The following DUSP10 variants were observed in gnomAD, a reference collection of about 807,000 sequenced individuals.
DUSP10 encodes the protein dual specificity protein phosphatase 10.
Under a neutral mutation model 30.8 loss-of-function variants are expected in DUSP10, and 14 were observed. The observed-to-expected ratio is 0.46, with a 90% CI of 0.30 to 0.71. DUSP10 has a LOEUF of 0.71. Among genes scored for constraint, DUSP10 ranks in the 30% least tolerant of loss-of-function variants. The pLI, the probability that DUSP10 is intolerant of heterozygous loss-of-function variation, is 0.08. For missense variants in DUSP10, 550 were observed against 619.4 expected (o/e 0.89, Z 1.19); for synonymous variants, 254 against 250.4 (o/e 1.01, Z -0.14).
rs1316168886 is a variant in DUSP10 at position 221,706,102 on chromosome 1, C to A, written c.1176G>T (p.Glu392Asp). The change falls in exon 3 of 4, where the codon GAG becomes GAT. Residue 392 changes from glutamate to aspartate, a missense_variant. By Grantham distance (45) the Glu-to-Asp change is conservative. Transcript: ENST00000366899. This position sits in a 1 kb window ranked among gnomAD's most constrained non-coding sequence, Gnocchi z 4.6. ...CCTATGGGAGATAGTTACCAATGAACTCAAAAGCCTCTTCAAAGTACTGCC... is the reference window on the plus strand; with the variant it reads ...CCTATGGGAGATAGTTACCAATGAAATCAAAAGCCTCTTCAAAGTACTGCC... Reference protein sequence around the residue: ...NLRQYFEEAFEFIEEAHQCGK... With the variant: ...NLRQYFEEAFDFIEEAHQCGK... 6.2e-7 allele frequency: 1 copy of A among 1,612,220 alleles called. No individual in the cohort carries two copies. The highest frequency in any genetic ancestry group is 8.5e-7 in the Non-Finnish European group (1 of 1,178,922).
At chr1:221,730,369 CG>C (rs1337191747) in intron 2 of DUSP10, among the ~76,000 whole-genome samples, 4 of 152,128 alleles carry the variant, frequency 2.6e-5, no homozygotes, top group African/African-American at 9.7e-5. Flanking sequence ...CCCCCTGGCT[CG>C]GGCAGTTTAA....
At chr1:221,710,166 G>A (rs953977726) in intron 2 of DUSP10, among the ~76,000 whole-genome samples, 1 of 152,150 alleles carries the variant, frequency 6.6e-6, no homozygotes, top group African/African-American at 2.4e-5. Flanking sequence ...CCAGGTATTC[G>A]ATAAATAATG....
chr1:221,706,408 G>T lies in DUSP10; in HGVS notation c.870C>A (p.Leu290=), dbSNP rs769649196. ...HENLCDNSLQ[L]QECREVGGGA... is the part of the protein sequence containing the mutation. ...CGCCCCCCACCTCCCGGCACTCTTG[G>T]AGCTGGAGGGAGTTGTCACAGAGGT... is the stretch of plus-strand genomic sequence containing the variant. Residue 290 remains leucine (L), a synonymous_variant, in exon 3 of 4, where the codon CTC becomes CTA. Transcript: ENST00000366899. The surrounding 1 kb of genome is among the most constrained non-coding windows in gnomAD (Gnocchi z 4.6). The T allele has an allele frequency of 6.4e-7, 1 of 1,554,028 alleles. No individual in the cohort carries two copies. Among genetic ancestry groups the T allele is most frequent in the Non-Finnish European group, 8.7e-7 (1 of 1,149,914 alleles).
At chr1:221,738,322 C>T (rs985884675) in intron 2 of DUSP10, among the ~76,000 whole-genome samples, 2 of 152,168 alleles carry the variant, frequency 1.3e-5, no homozygotes, top group South Asian at 2.1e-4. Context: ...GTCTCTGTTC[C>T]CTTGGAGCCT....
intron 2 of DUSP10, among the ~76,000 whole-genome samples, chr1:221,707,262 C>T (rs2102615440): frequency 6.6e-6 from 1 of 152,292 alleles, no homozygotes; most frequent in Admixed American, 6.5e-5. Context: ...TTGGAAAAGA[C>T]AAGCCAGGGT....
intron 2 of DUSP10, among the ~76,000 whole-genome samples, chr1:221,717,210 G>T (rs1021411776): frequency 6.6e-5 from 10 of 152,146 alleles, no homozygotes; most frequent in Non-Finnish European, 1.5e-4. Context: ...ACCACACTGG[G>T]AAAGGCAGGG....
chr1:221,738,860 T>C (rs1304855805), intron 2 of DUSP10, 74 bp downstream of exon 2: 1 of 1,512,544 alleles, frequency 6.6e-7, no homozygotes, highest in Admixed American at 2.2e-5. Context: ...AGGAGAATGC[T>C]GTCACTCTAC....
At chr1:221,732,717 A>G (rs1011708948) in intron 2 of DUSP10, among the ~76,000 whole-genome samples, 7 of 152,216 alleles carry the variant, frequency 4.6e-5, no homozygotes, top group South Asian at 2.1e-4. Context: ...ATACCGGACT[A>G]GATCAATGGT....
chr1:221,741,653 G>A lies in DUSP10; in HGVS notation c.-44+328C>T, dbSNP rs183870215. ...CCCCCCGCCCCCCGCTTCACTCCTC[G>A]GCACACAGCGCACTAATGAGCCCCG... is the stretch of plus-strand genomic sequence containing the variant. On this transcript the variant is annotated intron_variant, in intron 1 of 3. Transcript: ENST00000366899. Among the ~76,000 whole-genome samples, 8 of 146,044 alleles carry A rather than the reference G, an allele frequency of 5.5e-5. No homozygotes were observed. In the East Asian group the frequency reaches 1.0e-3, roughly 18 times the overall value.
chr1:221,733,200 G>A (rs1246826115), intron 2 of DUSP10, among the ~76,000 whole-genome samples: 3 of 152,226 alleles, frequency 2.0e-5, no homozygotes, highest in Non-Finnish European at 4.4e-5. Flanking sequence ...TGCACCAGGA[G>A]TATGTGACGG....
Position 221,702,778 on chromosome 1 carries a change from G to C in DUSP10, c.1184-101C>G. 1 of 1,236,990 alleles carries C rather than the reference G, an allele frequency of 8.1e-7. No homozygotes were observed. Among genetic ancestry groups the C allele is most frequent in the East Asian group, 2.5e-5 (1 of 39,812 alleles). 76.6% of individuals were successfully genotyped at this position (1,236,990 alleles called of 1,614,324 possible). A position where few individuals can be genotyped will look rare whatever the true frequency, so the allele number is the denominator to read the frequency against. On this transcript the variant is annotated intron_variant, in intron 3 of 3. Coordinates refer to ENST00000366899, the MANE Select transcript of DUSP10 (RefSeq NM_007207.6). The surrounding 1 kb of genome is among the most constrained non-coding windows in gnomAD (Gnocchi z 4.5). ...ACTTTGCAATGCCTTATTTTGTATA[G>C]AAATAATGAATTAAAACAGTTTTAA...
At chr1:221,726,861 C>T (rs1412824940) in intron 2 of DUSP10, among the ~76,000 whole-genome samples, 2 of 152,054 alleles carry the variant, frequency 1.3e-5, no homozygotes, top group Non-Finnish European at 2.9e-5. Context: ...CTGAACTATA[C>T]CACTCATATA....
In DUSP10 at chr1:221,712,777, C is replaced by CAAAAAAAAAA. The variant is rs58249338; in HGVS notation, c.812-6321_812-6312dup. 1.4e-3 allele frequency among the ~76,000 whole-genome samples: 78 copies of CAAAAAAAAAA among 56,912 alleles called. 12 individuals are homozygous for CAAAAAAAAAA. Among genetic ancestry groups the CAAAAAAAAAA allele is most frequent in the African/African-American group, 4.0e-3 (50 of 12,610 alleles). The allele number at this position is 56,912 out of a possible 152,430, so 37.3% of individuals were successfully genotyped here. A position where few individuals can be genotyped will look rare whatever the true frequency, so the allele number is the denominator to read the frequency against. On this transcript the variant is annotated intron_variant, in intron 2 of 3. Coordinates refer to ENST00000366899, the MANE Select transcript of DUSP10 (RefSeq NM_007207.6). ...AGACAGTGGATGATATATAAAGCAG[C>CAAAAAAAAAA]AAAAAAAAAAAAAAAAAAAAAAAGA...
intron 3 of DUSP10, among the ~76,000 whole-genome samples, chr1:221,705,242 TG>T (rs1660721063): frequency 6.6e-6 from 1 of 151,930 alleles, no homozygotes; most frequent in African/African-American, 2.4e-5. Flanking sequence ...CCTGAGTAGC[TG>T]GGATTACAGG....
At chr1:221,738,713 C>A (rs1316372781) in intron 2 of DUSP10, among the ~76,000 whole-genome samples, 1 of 152,196 alleles carries the variant, frequency 6.6e-6, no homozygotes, top group Non-Finnish European at 1.5e-5. Context: ...CAAATTAGAA[C>A]CCAAATGAAG....
chr1:221,714,869 C>T lies in DUSP10; in HGVS notation c.812-8403G>A, dbSNP rs377449692. On this transcript the variant is annotated intron_variant, in intron 2 of 3. Coordinates refer to ENST00000366899, the MANE Select transcript of DUSP10 (RefSeq NM_007207.6). ...CTTCAATAGTTACTATTGTTTCTCT[C>T]AGATGATGTGCCATTCCCTCCCACC... 1.6e-3 allele frequency among the ~76,000 whole-genome samples: 248 copies of T among 152,290 alleles called. 1 individual carries two copies. The highest frequency in any genetic ancestry group is 5.7e-3 in the African/African-American group (235 of 41,570).
intron 2 of DUSP10, among the ~76,000 whole-genome samples, chr1:221,716,835 A>T (rs1269415079): frequency 4.6e-5 from 7 of 152,222 alleles, no homozygotes; most frequent in Non-Finnish European, 8.8e-5. Context: ...GGAGAAATGC[A>T]CACCATAAAC....
rs1558129267 is a variant in DUSP10, at chr1:221,739,689, CG to C, written c.55del (p.Arg19AspfsTer9). The C allele has an allele frequency of 2.5e-6, 4 of 1,613,572 alleles. No homozygotes were observed. Among genetic ancestry groups the C allele is most frequent in the Non-Finnish European group, 3.4e-6 (4 of 1,179,838 alleles). Reference protein sequence around the residue: ...RVVVALSRPVRPQDLNLCLDS... With the variant: ...RVVVALSRPVXPQDLNLCLDS... ...TAAACAAAGGTTGAGATCCTGAGGT[CG>C]GACGGGCCTAGATAGTGCCACTACT... On this transcript the variant is annotated frameshift_variant, in exon 2 of 4. Coordinates refer to ENST00000366899, the MANE Select transcript of DUSP10 (RefSeq NM_007207.6). LOFTEE classifies it high-confidence loss of function.
At chr1:221,724,355 T>C (rs1324159233) in intron 2 of DUSP10, among the ~76,000 whole-genome samples, 1 of 151,758 alleles carries the variant, frequency 6.6e-6, no homozygotes, top group Non-Finnish European at 1.5e-5. Flanking sequence ...TTTTTTTTTC[T>C]AGTAGCTGCA....
Sources: allele counts gnomAD v4.1 joint callset (sites outside exome capture counted in the v4.1 genomes callset), GRCh38; gene constraint gnomAD v4.1.1; non-coding constraint Gnocchi (gnomAD v3.1); transcripts MANE v1.5; gene names NCBI Gene and HGNC (gene_info 2026-07-23, HGNC 2026-07-21).